The following MARCHF1 variants were observed in gnomAD, a reference collection of about 807,000 sequenced individuals.
The protein encoded by MARCHF1 is E3 ubiquitin-protein ligase MARCHF1.
MARCHF1 carries 40 observed loss-of-function variants against 54.2 expected under a neutral mutation model. The ratio of observed to expected loss-of-function variants is 0.74; its 90% confidence interval spans 0.57 to 0.96. The LOEUF is 0.96. Ranked by LOEUF, MARCHF1 falls within the 40% of genes least tolerant of loss-of-function variation. MARCHF1 has a pLI of 0.00. For synonymous variants in MARCHF1, 236 were observed against 236.3 expected (o/e 1.00, Z 0.01); for missense variants, 586 against 656.5 (o/e 0.89, Z 1.17).
chr4:163,581,414 G>A (rs981716706), intron 8 of MARCHF1, among the ~76,000 whole-genome samples: 2 of 152,152 alleles, frequency 1.3e-5, no homozygotes, highest in African/African-American at 4.8e-5. Context: ...TATGCATTTT[G>A]AATTTATTTT....
chr4:163,636,133 A>G (rs1034388053), intron 5 of MARCHF1, among the ~76,000 whole-genome samples: 1 of 152,218 alleles, frequency 6.6e-6, no homozygotes, highest in African/African-American at 2.4e-5. Flanking sequence ...CCCACAGCCA[A>G]TATCATACTG....
chr4:163,584,305 T>C (rs1303525843), intron 8 of MARCHF1: 1 of 152,058 alleles, frequency 6.6e-6, no homozygotes, highest in Admixed American at 6.6e-5. Context: ...AATGAAAATT[T>C]TATGTAAATT....
chr4:163,548,368 A>C (rs1738981626), intron 8 of MARCHF1, among the ~76,000 whole-genome samples: 1 of 118,600 alleles, frequency 8.4e-6, no homozygotes, highest in South Asian at 2.4e-4. Context: ...ATTGGCTTAA[A>C]ATACTATTAA....
At position 164,045,609 on chromosome 4, in the gene MARCHF1, T is replaced by TTTTGTTTG. The variant is rs537888093; in HGVS notation, c.-247-56908_-247-56901dup. Among the ~76,000 whole-genome samples the TTTTGTTTG allele has an allele frequency of 1.4e-3, 210 of 151,730 alleles. 1 individual carries two copies. The highest frequency in any genetic ancestry group is 4.9e-3 in the African/African-American group (203 of 41,390). On this transcript the variant is annotated intron_variant, in intron 2 of 9. Coordinates refer to ENST00000514618, the MANE Select transcript of MARCHF1 (RefSeq NM_001394959.1). ...GCTTCAGATTTAGTTTAGCTTAGGT[T>TTTTGTTTG]TTTGTTTGTTTGTTTGTTTGTTTGT...
intron 4 of MARCHF1, among the ~76,000 whole-genome samples, chr4:163,836,540 C>T (rs1422539874): frequency 6.0e-5 from 1 of 16,668 alleles, no homozygotes; most frequent in Non-Finnish European, 2.5e-4. Flanking sequence ...CCACCGCGCC[C>T]GGCTAATTTA....
intron 1 of MARCHF1, among the ~76,000 whole-genome samples, chr4:164,240,134 A>T (rs1732695321): frequency 6.6e-6 from 1 of 152,190 alleles, no homozygotes; most frequent in Non-Finnish European, 1.5e-5. Context: ...AAGAACCAGG[A>T]GACCTGGATT....
At chr4:163,751,133 T>TTG (rs70948664) in intron 4 of MARCHF1, among the ~76,000 whole-genome samples, 3,159 of 147,298 alleles carry the variant, frequency 0.021, 54 homozygotes, top group African/African-American at 0.05. Context: ...TATTACCACT[T>TTG]TGTGTGTGTG....
At chr4:163,905,648 G>A (rs1359770735) in intron 3 of MARCHF1, among the ~76,000 whole-genome samples, 1 of 152,042 alleles carries the variant, frequency 6.6e-6, no homozygotes, top group Non-Finnish European at 1.5e-5. Context: ...CCTTTGAGAT[G>A]CTATAATCCA....
chr4:163,910,059 A>G (rs1000619943), intron 3 of MARCHF1, among the ~76,000 whole-genome samples: 9 of 151,824 alleles, frequency 5.9e-5, no homozygotes, highest in Non-Finnish European at 1.2e-4. Flanking sequence ...CTAGATGAGG[A>G]GTTATTTTAC....
chr4:163,646,576 A>C (rs946515473), intron 5 of MARCHF1, among the ~76,000 whole-genome samples: 1 of 152,068 alleles, frequency 6.6e-6, no homozygotes, highest in African/African-American at 2.4e-5. Context: ...AGCTGTGATA[A>C]TTTGTTAAGG....
intron 1 of MARCHF1, among the ~76,000 whole-genome samples, chr4:164,339,426 T>C (rs1729851493): frequency 6.6e-6 from 1 of 152,034 alleles, no homozygotes; most frequent in Non-Finnish European, 1.5e-5. Context: ...AGAAGAAAAC[T>C]GGAAAACTCA....
intron 8 of MARCHF1, among the ~76,000 whole-genome samples, chr4:163,573,164 C>A (rs1477487519): frequency 3.3e-5 from 5 of 152,048 alleles, no homozygotes; most frequent in Admixed American, 3.3e-4. Context: ...TGTATCCTGA[C>A]ACTTTACTGA....
intron 4 of MARCHF1, among the ~76,000 whole-genome samples, chr4:163,778,238 T>C (rs1346156099): frequency 1.3e-5 from 2 of 152,214 alleles, no homozygotes; most frequent in African/African-American, 2.4e-5. Context: ...TTTGAATACA[T>C]GCTTATGTAC....
At chr4:163,934,270 A>C (rs1751744887) in intron 3 of MARCHF1, among the ~76,000 whole-genome samples, 2 of 152,038 alleles carry the variant, frequency 1.3e-5, no homozygotes, top group South Asian at 4.1e-4. Flanking sequence ...TATAAACAAC[A>C]ACAACAAAAA....
chr4:164,104,839 G>T (rs1481124837), intron 2 of MARCHF1, among the ~76,000 whole-genome samples: 1 of 56,166 alleles, frequency 1.8e-5, no homozygotes, highest in Non-Finnish European at 5.6e-5. Context: ...CCTGTTTGCA[G>T]ATGACATGAT....
intron 5 of MARCHF1, among the ~76,000 whole-genome samples, chr4:163,694,550 C>T (rs1744560682): frequency 6.6e-6 from 1 of 152,134 alleles, no homozygotes; most frequent in Non-Finnish European, 1.5e-5. Flanking sequence ...ACTTCTTTCT[C>T]TTCCCTGGGC....
chr4:163,716,860 A>C (rs1328610766), intron 4 of MARCHF1, among the ~76,000 whole-genome samples: 1 of 152,250 alleles, frequency 6.6e-6, no homozygotes, highest in Non-Finnish European at 1.5e-5. Flanking sequence ...TAGGCAAATT[A>C]GCAATCTTCT....
intron 5 of MARCHF1, chr4:163,613,616 C>T: frequency 7.0e-7 from 1 of 1,430,724 alleles, no homozygotes; most frequent in Non-Finnish European, 9.1e-7. Context: ...TTTGCTGTTA[C>T]TTCATTTACG....
intron 4 of MARCHF1, among the ~76,000 whole-genome samples, chr4:163,827,051 T>C (rs1748872255): frequency 6.6e-6 from 1 of 151,542 alleles, no homozygotes; most frequent in Admixed American, 6.6e-5. Flanking sequence ...TGAACTTATG[T>C]TAACCTTTGC....
Sources: allele counts gnomAD v4.1 joint callset (sites outside exome capture counted in the v4.1 genomes callset), GRCh38; gene constraint gnomAD v4.1.1; transcripts MANE v1.5; gene names NCBI Gene and HGNC (gene_info 2026-07-23, HGNC 2026-07-21).